B4GALNT3: variants seen among roughly 807,000 people sequenced by gnomAD.
B4GALNT3 encodes the protein beta-1,4-N-acetyl-galactosaminyltransferase 3, also known as beta-1,4-N-acetylgalactosaminyltransferase 3.
Under a neutral mutation model 120.2 loss-of-function variants are expected in B4GALNT3, and 86 were observed. The observed-to-expected ratio is 0.72, with a 90% CI of 0.60 to 0.86. The LOEUF (loss-of-function observed/expected upper bound fraction) is 0.86. B4GALNT3 is among the 40% of genes least tolerant of loss of function. The pLI, the probability that B4GALNT3 is intolerant of heterozygous loss-of-function variation, is 0.00. For missense variants in B4GALNT3, 1,167 were observed against 1,298.9 expected, an observed-to-expected ratio of 0.90 and a Z score of 1.56; for synonymous variants, 518 against 510.4, an observed-to-expected ratio of 1.01 and a Z score of -0.20.
intron 3 of B4GALNT3, among the ~76,000 whole-genome samples, chr12:540,898 C>G (rs55838918): frequency 6.6e-6 from 1 of 152,172 alleles, no homozygotes; most frequent in Non-Finnish European, 1.5e-5. Flanking sequence ...CACCCACCAC[C>G]GCGCCCAGCT....
chr12:480,865 T>C (rs1004907101), intron 1 of B4GALNT3, among the ~76,000 whole-genome samples: 1 of 152,130 alleles, frequency 6.6e-6, no homozygotes, highest in Non-Finnish European at 1.5e-5. Context: ...CTGGTGACCG[T>C]GGTCATCTTT....
intron 1 of B4GALNT3, among the ~76,000 whole-genome samples, chr12:524,655 GA>G (rs899440472): frequency 9.6e-6 from 1 of 104,202 alleles, no homozygotes; most frequent in African/African-American, 3.1e-5. Context: ...AAAAAAAAAA[GA>G]AAAAAGAAAA....
chr12:469,608 C>A (rs1023537433), intron 1 of B4GALNT3, among the ~76,000 whole-genome samples: 1 of 151,956 alleles, frequency 6.6e-6, no homozygotes, highest in Non-Finnish European at 1.5e-5. Flanking sequence ...CCATCCCAGG[C>A]AAAGATTTAT....
At chr12:540,063 C>G (rs1254211075) in intron 3 of B4GALNT3, among the ~76,000 whole-genome samples, 2 of 152,204 alleles carry the variant, frequency 1.3e-5, no homozygotes, top group African/African-American at 4.8e-5. Context: ...GAACCACTAG[C>G]CAGGTACCCT....
chr12:543,136 T>A (rs760630233), intron 3 of B4GALNT3: 1 of 1,288,210 alleles, frequency 7.8e-7, no homozygotes, highest in Non-Finnish European at 1.0e-6. Context: ...GGAGAGTATG[T>A]GTGTGTGTGT....
chr12:502,668 G>C (rs911010282), intron 1 of B4GALNT3, among the ~76,000 whole-genome samples: 4 of 152,252 alleles, frequency 2.6e-5, no homozygotes, highest in Admixed American at 6.5e-5. Flanking sequence ...TCTTAGCACA[G>C]ATTTGCAGAG....
intron 1 of B4GALNT3, among the ~76,000 whole-genome samples, chr12:502,393 G>A (rs1487084432): frequency 6.6e-6 from 1 of 152,108 alleles, no homozygotes; most frequent in African/African-American, 2.4e-5. Context: ...ATACGCTCTG[G>A]GGCCTCCCTT....
At chr12:500,247 G>A (rs902936971) in intron 1 of B4GALNT3, among the ~76,000 whole-genome samples, 2 of 152,136 alleles carry the variant, frequency 1.3e-5, no homozygotes, top group African/African-American at 4.8e-5. Flanking sequence ...GGGCTCAAGC[G>A]ATCCTCCCGC....
chr12:539,456 C>T (rs991043345), intron 3 of B4GALNT3, among the ~76,000 whole-genome samples: 3 of 151,358 alleles, frequency 2.0e-5, no homozygotes, highest in Admixed American at 2.0e-4. Flanking sequence ...GTTGTTCACA[C>T]AGGCTTTGAG....
chr12:466,786 T>A (rs1169857838), intron 1 of B4GALNT3, among the ~76,000 whole-genome samples: 1 of 152,244 alleles, frequency 6.6e-6, no homozygotes, highest in Non-Finnish European at 1.5e-5. Context: ...ATGTTCAATA[T>A]GTTCTTTATT....
At chr12:503,326 C>T (rs2120544817) in intron 1 of B4GALNT3, among the ~76,000 whole-genome samples, 1 of 152,272 alleles carries the variant, frequency 6.6e-6, no homozygotes, top group South Asian at 2.1e-4. Flanking sequence ...TCTGCCCCAG[C>T]CACCAAGCCA....
At chr12:512,840 ACCTTCCG>A (rs1404216380) in intron 1 of B4GALNT3, among the ~76,000 whole-genome samples, 3 of 104,800 alleles carry the variant, frequency 2.9e-5, no homozygotes, top group African/African-American at 7.6e-5. Context: ...TCTGCCTTCC[ACCTTCCG>A]CCTTCCACCT....
intron 1 of B4GALNT3, among the ~76,000 whole-genome samples, chr12:518,236 G>A (rs182206640): frequency 3.9e-5 from 6 of 152,168 alleles, no homozygotes; most frequent in Non-Finnish European, 7.3e-5. Flanking sequence ...CTCTGAAAGT[G>A]GTTCTTACCC....
At chr12:539,158 C>T (rs1053482567) in intron 3 of B4GALNT3, among the ~76,000 whole-genome samples, 1 of 152,218 alleles carries the variant, frequency 6.6e-6, no homozygotes, top group East Asian at 1.9e-4. Context: ...TCAGCAGCCT[C>T]AGACGTTTTA....
In B4GALNT3 at chr12:561,396, A is replaced by G. The variant is rs772233148; in HGVS notation, c.2942A>G (p.His981Arg). 2.5e-6 allele frequency: 4 copies of G among 1,614,060 alleles called. No homozygotes were observed. The highest frequency in any genetic ancestry group is 3.4e-6 in the Non-Finnish European group (4 of 1,180,024). ...CGTCTCTCCCTCAGGAATTTCTTCC[A>G]TCATTTCCATTCCAAGCGAGGCATG... ...VERLSLRNFF[H>R]HFHSKRGMWS... Residue 981 changes from histidine (H) to arginine (R), a missense_variant, in exon 20 of 20, where the codon CAT becomes CGT. By Grantham distance (29) the His-to-Arg change is conservative (BLOSUM62 0). Coordinates refer to ENST00000266383, the MANE Select transcript of B4GALNT3 (RefSeq NM_173593.4).
At chr12:474,476 T>A (rs950513882) in intron 1 of B4GALNT3, among the ~76,000 whole-genome samples, 9 of 152,160 alleles carry the variant, frequency 5.9e-5, no homozygotes, top group Non-Finnish European at 1.2e-4. Flanking sequence ...CATTTCCCCC[T>A]CTTTGTGGAG....
In B4GALNT3 at chr12:460,934, G is replaced by C. The variant is rs938607382; in HGVS notation, c.169+389G>C. On this transcript the variant is annotated intron_variant, in intron 1 of 19. Coordinates refer to ENST00000266383, the MANE Select transcript of B4GALNT3 (RefSeq NM_173593.4). The surrounding 1 kb of genome is among the most constrained non-coding windows in gnomAD (Gnocchi z 8.0). ...GTCCGTGGGGTCCACGCGCGAGCTA[G>C]GGATTCGGGTGCGGGATGCCCTCGG... Among the ~76,000 whole-genome samples the C allele has an allele frequency of 6.6e-6, 1 of 152,160 alleles. No individual in the cohort carries two copies. The highest frequency in any genetic ancestry group is 1.5e-5 in the Non-Finnish European group (1 of 68,010).
intron 1 of B4GALNT3, among the ~76,000 whole-genome samples, chr12:472,074 A>G (rs73590342): frequency 0.03 from 4,620 of 152,314 alleles, 218 homozygotes; most frequent in African/African-American, 0.11. Flanking sequence ...GCAAAGGTGA[A>G]TATTTCCATT....
rs758790 is a variant in B4GALNT3 at position 553,282 on chromosome 12, T to C, written c.1359T>C (p.Leu453=). The C allele has an allele frequency of 0.68, 1,095,245 of 1,613,336 alleles. 378,867 individuals carry two copies. The highest frequency in any genetic ancestry group is 0.91 in the East Asian group (40,786 of 44,876). Residue 453 remains leucine (L), a synonymous_variant, in exon 14 of 20, where the codon CTT becomes CTC. Coordinates refer to ENST00000266383, the MANE Select transcript of B4GALNT3 (RefSeq NM_173593.4). ...CCAACAACCAGAATGCCAGGATGCT[T>C]GAGGGAAGACAGACACCTGCCTCCA... is the stretch of plus-strand genomic sequence containing the variant. The part of the protein sequence containing the change: ...PASNNQNARM[L]EGRQTPASTL...
Sources: gnomAD v4.1 joint callset for allele counts (sites outside exome capture counted in the v4.1 genomes callset) on GRCh38, gnomAD v4.1.1 for gene constraint, Gnocchi (gnomAD v3.1) non-coding constraint, MANE v1.5 for transcripts, NCBI Gene and HGNC (gene_info 2026-07-23, HGNC 2026-07-21) for gene names.